Variants in GTF2IRD1 observed in about 807,000 individuals in gnomAD.
GTF2IRD1 encodes general transcription factor II-I repeat domain-containing protein 1.
Under a neutral mutation model 113.2 loss-of-function variants are expected in GTF2IRD1, and 26 were observed. The ratio of observed to expected loss-of-function variants is 0.23; its 90% CI spans 0.17 to 0.32. GTF2IRD1 has a LOEUF of 0.32. Among genes scored for constraint, GTF2IRD1 ranks in the 10% least tolerant of loss-of-function variants. The probability of loss-of-function intolerance (pLI) is 1.00; values close to 1 mark genes in which losing one functional copy is unlikely to be tolerated. For synonymous variants in GTF2IRD1, 484 were observed against 529.1 expected (o/e 0.91, Z 1.17); for missense variants, 864 against 1,280.8 (o/e 0.67, Z 4.97).
intron 25 of GTF2IRD1, among the ~76,000 whole-genome samples, chr7:74,597,076 T>G (rs1247442273): frequency 2.0e-5 from 3 of 151,686 alleles, no homozygotes; most frequent in Non-Finnish European, 4.4e-5. Flanking sequence ...AGCGTCTCAC[T>G]CTGTCGCCCA....
At chr7:74,532,467 T>A (rs953075081) in intron 9 of GTF2IRD1, among the ~76,000 whole-genome samples, 1 of 152,022 alleles carries the variant, frequency 6.6e-6, no homozygotes, top group African/African-American at 2.4e-5. Flanking sequence ...CGGAGGAGGA[T>A]CACTTGAGCC....
In GTF2IRD1 at chr7:74,547,208, G is replaced by A. The variant is rs782204694; in HGVS notation, c.1838G>A (p.Arg613His). ...VVGLPEGISL[R>H]RPNCFGIAKL... ...GGACTGCCTGAAGGCATCTCCCTCC[G>A]CAGGCCCAACTGCTTCGGGATCGCC... Residue 613 changes from arginine to histidine, a missense_variant, in exon 17 of 27, where the codon CGC (arginine) becomes CAC (histidine). Physicochemically the swap from Arg to His is conservative, Grantham distance 29. Transcript: ENST00000424337. 3.7e-6 allele frequency: 6 copies of A among 1,613,562 alleles called. No individual in the cohort carries two copies. Among genetic ancestry groups the A allele is most frequent in the Admixed American group, 1.7e-5 (1 of 59,994 alleles).
intron 1 of GTF2IRD1, among the ~76,000 whole-genome samples, chr7:74,502,893 G>A (rs1008099755): frequency 2.0e-5 from 3 of 151,920 alleles, no homozygotes; most frequent in African/African-American, 4.8e-5. Context: ...AGGGCTGGGC[G>A]CGGTGGCTCA....
At position 74,512,247 on chromosome 7, in the gene GTF2IRD1, G is replaced by A. The variant is rs1796678508; in HGVS notation, c.124-583G>A. On this transcript the variant is annotated intron_variant, in intron 2 of 26. Coordinates refer to ENST00000424337, the MANE Select transcript of GTF2IRD1 (RefSeq NM_005685.4). The surrounding 1 kb of genome is among the most constrained non-coding windows in gnomAD (Gnocchi z 4.4). The stretch of plus-strand genomic sequence containing the variant: ...GGCGCCTGTAGTCCCAGCTACTCGG[G>A]AGGCTGAGGCAGGAGAATCGCTTGA... Among the ~76,000 whole-genome samples, 1 of 152,230 alleles carries A rather than the reference G, an allele frequency of 6.6e-6. No individual in the cohort carries two copies. The highest frequency in any genetic ancestry group is 6.5e-5 in the Admixed American group (1 of 15,278).
At position 74,521,219 on chromosome 7, in the gene GTF2IRD1, A is replaced by C; in HGVS notation, c.928A>C (p.Thr310Pro). Residue 310 changes from threonine to proline, a missense_variant, in exon 7 of 27, where the codon ACT becomes CCT. By Grantham distance (38) the Thr-to-Pro change is conservative. Around this residue, in one of 7 missense-constraint regions of GTF2IRD1, gnomAD observed 195 missense variants for 196.6 expected, o/e 0.99. Transcript: ENST00000424337. The part of the protein sequence containing the change: ...DFSDCCGQKP[T>P]GPGGPLIQNV... ...TCTCCCTTGTCCAGGACAGAAGCCC[A>C]CTGGGCCTGGTGGGCCTCTCATCCA... 2 of 1,600,932 alleles carry C rather than the reference A, an allele frequency of 1.2e-6. No homozygotes were observed. Among genetic ancestry groups the C allele is most frequent in the South Asian group, 2.2e-5 (2 of 90,780 alleles).
At chr7:74,501,040 A>G (rs1239273725) in intron 1 of GTF2IRD1, among the ~76,000 whole-genome samples, 4 of 152,040 alleles carry the variant, frequency 2.6e-5, no homozygotes, top group Non-Finnish European at 5.9e-5. Context: ...AGCTCTGGGG[A>G]CACTTGGGGA....
At chr7:74,571,273 G>A (rs1378796632) in intron 22 of GTF2IRD1, 1 of 193,448 alleles carries the variant, frequency 5.2e-6, no homozygotes, top group African/African-American at 2.4e-5. Context: ...ACCCTGGAGT[G>A]CATGACCAGG....
chr7:74,563,492 G>A (rs1554359709), intron 22 of GTF2IRD1, among the ~76,000 whole-genome samples: 1 of 151,868 alleles, frequency 6.6e-6, no homozygotes, highest in Non-Finnish European at 1.5e-5. Flanking sequence ...CAGGAGAATC[G>A]CTTGAAACTT....
intron 1 of GTF2IRD1, among the ~76,000 whole-genome samples, chr7:74,474,864 A>G (rs1794311781): frequency 6.6e-6 from 1 of 152,084 alleles, no homozygotes; most frequent in African/African-American, 2.4e-5. Flanking sequence ...TGTAATCCCA[A>G]CACTTTGGGA....
rs187029257 is a variant in GTF2IRD1 at position 74,512,528 on chromosome 7, C to T, written c.124-302C>T. The stretch of plus-strand genomic sequence containing the variant: ...CAGGACTTGAGAGGGGCCAAGAAAA[C>T]CCAGCACGGCATTGTCCCTGGGGCT... On this transcript the variant is annotated intron_variant, in intron 2 of 26. Transcript: ENST00000424337. The surrounding 1 kb of genome is among the most constrained non-coding windows in gnomAD (Gnocchi z 4.4). Among the ~76,000 whole-genome samples the T allele has an allele frequency of 4.5e-4, 69 of 152,286 alleles. 2 individuals are homozygous for T. In the East Asian group the frequency reaches 0.012, roughly 26 times the overall value.
intron 22 of GTF2IRD1, among the ~76,000 whole-genome samples, chr7:74,587,639 T>C (rs1554368255): frequency 2.0e-5 from 3 of 152,006 alleles, no homozygotes; most frequent in South Asian, 2.1e-4. Context: ...AGATTTCCTG[T>C]TGGACATGCA....
At chr7:74,586,437 G>A (rs1234831430) in intron 22 of GTF2IRD1, among the ~76,000 whole-genome samples, 4 of 152,212 alleles carry the variant, frequency 2.6e-5, no homozygotes, top group Non-Finnish European at 5.9e-5. Context: ...GGAGGAGGAC[G>A]TTGTCTGGAA....
At chr7:74,506,288 A>G (rs1554341041) in intron 1 of GTF2IRD1, 1 of 152,132 alleles carries the variant, frequency 6.6e-6, no homozygotes, top group African/African-American at 2.4e-5. Flanking sequence ...GGCCTTATGC[A>G]CACTGGGCAC....
intron 1 of GTF2IRD1, among the ~76,000 whole-genome samples, chr7:74,477,908 G>A (rs904157098): frequency 4.6e-5 from 7 of 152,188 alleles, no homozygotes; most frequent in Non-Finnish European, 1.0e-4. Flanking sequence ...GCATGTTTAT[G>A]TCTGGCAAGC....
At chr7:74,515,342 C>G in intron 3 of GTF2IRD1, 99 bp from the exon 4 acceptor site, 1 of 1,533,114 alleles carries the variant, frequency 6.5e-7, no homozygotes, top group East Asian at 2.5e-5. Context: ...CATTGTGTGC[C>G]AGTCTCCGCA....
chr7:74,545,840 C>T, intron 16 of GTF2IRD1, 31 bp downstream of exon 16: 1 of 1,532,078 alleles, frequency 6.5e-7, no homozygotes. Context: ...GGTCTGGGGG[C>T]ATCCCGGCCC....
At chr7:74,464,743 C>T (rs782584879) in intron 1 of GTF2IRD1, among the ~76,000 whole-genome samples, 2 of 152,280 alleles carry the variant, frequency 1.3e-5, no homozygotes, top group East Asian at 1.9e-4. Context: ...CACAAGCCAC[C>T]GCGCCCAGCT....
chr7:74,511,355 G>T (rs1796617461), intron 2 of GTF2IRD1, among the ~76,000 whole-genome samples: 1 of 152,202 alleles, frequency 6.6e-6, no homozygotes. Flanking sequence ...AGCTCTGGGT[G>T]CCTTTAGGTG....
intron 1 of GTF2IRD1, among the ~76,000 whole-genome samples, chr7:74,481,153 T>G (rs1471819449): frequency 6.6e-6 from 1 of 152,194 alleles, no homozygotes; most frequent in Non-Finnish European, 1.5e-5. Flanking sequence ...TATTTTTTAT[T>G]TAAAAGGAAA....
Sources: allele counts gnomAD v4.1 joint callset (sites outside exome capture counted in the v4.1 genomes callset), GRCh38; gene constraint gnomAD v4.1.1; regional missense constraint gnomAD v4.1.1; non-coding constraint Gnocchi (gnomAD v3.1); transcripts MANE v1.5; gene names NCBI Gene and HGNC (gene_info 2026-07-23, HGNC 2026-07-21).